TRIOBP: variants seen among roughly 807,000 people sequenced by gnomAD.
TRIOBP encodes the protein TRIO and F-actin binding protein, also known as TRIO and F-actin-binding protein.
TRIOBP carries 169 observed loss-of-function variants against 238.8 expected under a neutral mutation model. That is an observed-to-expected ratio of 0.71 (90% confidence interval 0.62 to 0.80). The LOEUF (loss-of-function observed/expected upper bound fraction) is 0.80. Among genes scored for constraint, TRIOBP ranks in the 30% least tolerant of loss-of-function variants. TRIOBP has a pLI of 0.00. For missense variants in TRIOBP, 2,838 were observed against 3,122.6 expected (o/e 0.91, Z 2.17); for synonymous variants, 1,150 against 1,274.4 (o/e 0.90, Z 2.08).
Position 37,710,512 on chromosome 22 carries a change from C to T in TRIOBP, c.200C>T (p.Ser67Leu), listed in dbSNP as rs746582442. Residue 67 changes from serine to leucine, a missense_variant, in exon 4 of 24, where the codon TCA becomes TTA. This residue lies in a region of TRIOBP where 535 missense variants were observed against 537.3 expected (regional missense o/e 1.00). Coordinates refer to ENST00000644935, the MANE Select transcript of TRIOBP (RefSeq NM_001039141.3). ...GCCCCTGAGGACCCACTCAGCGCCT[C>T]AACCTCCGGCTGCCAGTCTGTGGTG... ...PPAPEDPLSA[S>L]TSGCQSVVDP... is the part of the protein sequence containing the mutation. 6.2e-7 allele frequency: 1 copy of T among 1,612,242 alleles called. No homozygotes were observed. The highest frequency in any genetic ancestry group is 8.5e-7 in the Non-Finnish European group (1 of 1,179,806).
At chr22:37,759,845 C>T (rs1926151053) in intron 17 of TRIOBP, 6 of 1,117,078 alleles carry the variant, frequency 5.4e-6, no homozygotes, top group East Asian at 4.4e-5. Flanking sequence ...AACTAACTCT[C>T]TAGAAAAAAC....
chr22:37,726,860 T>C (rs1018758670), intron 7 of TRIOBP, among the ~76,000 whole-genome samples: 1 of 152,178 alleles, frequency 6.6e-6, no homozygotes, highest in Non-Finnish European at 1.5e-5. Context: ...GAGGGGAACA[T>C]GAGCACATTC....
intron 21 of TRIOBP, 63 bp from the exon 22 acceptor site, chr22:37,771,587 G>A: frequency 6.8e-7 from 1 of 1,466,668 alleles, no homozygotes; most frequent in Non-Finnish European, 9.5e-7. Context: ...GGGCTGCAGG[G>A]CACTATGGGC....
intron 11 of TRIOBP, chr22:37,746,179 C>G: frequency 9.6e-7 from 1 of 1,045,462 alleles, no homozygotes; most frequent in Non-Finnish European, 1.1e-6. Context: ...GCTTCCCCGC[C>G]ACCCATTGGC....
rs539096864 is a variant in TRIOBP at position 37,724,448 on chromosome 22, G to T, written c.1892G>T (p.Arg631Leu). The stretch of plus-strand genomic sequence containing the variant: ...AACCCCAGAACATCCTGTGCCCAGC[G>T]GGACAATCCCAGAGCCTCCTCTCCC... ...RDNPRTSCAQRDNPRASSPNR... is the reference protein window; with the variant it reads ...RDNPRTSCAQLDNPRASSPNR... The change falls in exon 7 of 24, where the codon CGG becomes CTG. Residue 631 changes from arginine (R) to leucine (L), a missense_variant. Coordinates refer to ENST00000644935, the MANE Select transcript of TRIOBP (RefSeq NM_001039141.3). The T allele has an allele frequency of 4.9e-5, 79 of 1,610,286 alleles. No homozygotes were observed. The highest frequency in any genetic ancestry group is 6.1e-5 in the Non-Finnish European group (72 of 1,179,074).
At position 37,774,023 on chromosome 22, in the gene TRIOBP, C is replaced by T. The variant is rs1271857860; in HGVS notation, c.*243C>T. 6.7e-6 allele frequency: 1 copy of T among 148,890 alleles called. No individual in the cohort carries two copies. Among genetic ancestry groups the T allele is most frequent in the African/African-American group, 2.5e-5 (1 of 40,356 alleles). 9.2% of individuals were successfully genotyped at this position (148,890 alleles called of 1,614,324 possible). The stretch of plus-strand genomic sequence containing the variant: ...ACACACACTGCATATCTGAGCGCGC[C>T]CCTCGCACTGGGTCTCACCTTGCAC... On this transcript the variant is annotated 3_prime_UTR_variant, in exon 24 of 24. Coordinates refer to ENST00000644935, the MANE Select transcript of TRIOBP (RefSeq NM_001039141.3).
In TRIOBP at chr22:37,757,809, C is replaced by G. The variant is rs1179250175; in HGVS notation, c.5884C>G (p.Pro1962Ala). The G allele has an allele frequency of 6.5e-7, 1 of 1,547,672 alleles. No individual in the cohort carries two copies. Among genetic ancestry groups the G allele is most frequent in the Non-Finnish European group, 8.7e-7 (1 of 1,145,162 alleles). ...GGCTTCCCCGCAGCGGGCCCGCACC[C>G]CAGCCCGCACTCCTGACCGCCTGGC... ...TQASPQRARTPARTPDRLAKQ... is the reference protein window; with the variant it reads ...TQASPQRARTAARTPDRLAKQ... Residue 1962 changes from proline (P) to alanine (A), a missense_variant, in exon 16 of 24, where the codon CCA becomes GCA. This residue lies in a region of TRIOBP where 2,096 missense variants were observed against 2,137.4 expected (regional missense o/e 0.98). Coordinates refer to ENST00000644935, the MANE Select transcript of TRIOBP (RefSeq NM_001039141.3).
rs1169058873 is a variant in TRIOBP at position 37,724,721 on chromosome 22, C to A, written c.2165C>A (p.Thr722Lys). 6.2e-7 allele frequency: 1 copy of A among 1,612,474 alleles called. No homozygotes were observed. ...ACCACCCAACAAGAGAACCCCAGAA[C>A]ATCCTGTGCCCGACGGGACAATCCC... ...NRTTQQENPR[T>K]SCARRDNPRA... Residue 722 changes from threonine (T) to lysine (K), a missense_variant, in exon 7 of 24, where the codon ACA (threonine) becomes AAA (lysine). This residue lies in a region of TRIOBP where 167 missense variants were observed against 200.2 expected (regional missense o/e 0.83). Coordinates refer to ENST00000644935, the MANE Select transcript of TRIOBP (RefSeq NM_001039141.3).
Position 37,773,943 on chromosome 22 carries a change from CACAG to C in TRIOBP, c.*167_*170del, listed in dbSNP as rs1204834915. On this transcript the variant is annotated 3_prime_UTR_variant, in exon 24 of 24. Transcript: ENST00000644935. ...ACACACACACACACACACACAGACA[CACAG>C]ACACATACGCACACACGTGCACACA... is the stretch of plus-strand genomic sequence containing the variant. 2.8e-5 allele frequency: 4 copies of C among 144,430 alleles called. No individual in the cohort carries two copies. Among genetic ancestry groups the C allele is most frequent in the Admixed American group, 6.8e-5 (1 of 14,616 alleles). 8.9% of individuals were successfully genotyped at this position (144,430 alleles called of 1,614,324 possible).
rs769228804 is a variant in TRIOBP, at chr22:37,776,045, C to T, written c.*2265C>T. 1 of 152,406 alleles carries T rather than the reference C, an allele frequency of 6.6e-6. No individual in the cohort carries two copies. The highest frequency in any genetic ancestry group is 2.4e-5 in the African/African-American group (1 of 41,456). 9.4% of individuals were successfully genotyped at this position (152,406 alleles called of 1,614,324 possible). A position where few individuals can be genotyped will look rare whatever the true frequency, so the allele number is the denominator to read the frequency against. On this transcript the variant is annotated 3_prime_UTR_variant, in exon 24 of 24. Coordinates refer to ENST00000644935, the MANE Select transcript of TRIOBP (RefSeq NM_001039141.3). ...TCACCATCCCACCGTCCCCCCAAGACAGCTCTCCATCCCATCCTCTGCCTC... is the reference window on the plus strand; with the variant it reads ...TCACCATCCCACCGTCCCCCCAAGATAGCTCTCCATCCCATCCTCTGCCTC...
At chr22:37,772,431 AGGGAG>A (rs1926829693) in intron 22 of TRIOBP, among the ~76,000 whole-genome samples, 165 bp from the exon 23 acceptor site, 1 of 152,160 alleles carries the variant, frequency 6.6e-6, no homozygotes, top group African/African-American at 2.4e-5. Flanking sequence ...GGGTGGTACC[AGGGAG>A]GTGGGAGGGG....
At chr22:37,721,714 C>G (rs936685101) in intron 6 of TRIOBP, among the ~76,000 whole-genome samples, 2 of 152,130 alleles carry the variant, frequency 1.3e-5, no homozygotes, top group Non-Finnish European at 2.9e-5. Flanking sequence ...CTCCTGAGCT[C>G]GAGTGATCCT....
At chr22:37,726,585 GAA>G in intron 7 of TRIOBP, 82 bp downstream of exon 7, 1 of 1,339,850 alleles carries the variant, frequency 7.5e-7, no homozygotes, top group South Asian at 1.7e-5. Flanking sequence ...GGTGCCAAAA[GAA>G]AGTGTTCAAA....
At chr22:37,772,890 A>C in intron 23 of TRIOBP, 126 bp downstream of exon 23, 3 of 1,219,290 alleles carry the variant, frequency 2.5e-6, no homozygotes, top group Non-Finnish European at 3.4e-6. Context: ...TTCTGTAAAA[A>C]GGACAATGAA....
chr22:37,766,958 CAA>C (rs1216149396), intron 18 of TRIOBP, among the ~76,000 whole-genome samples: 7 of 101,498 alleles, frequency 6.9e-5, no homozygotes, highest in Admixed American at 1.1e-4. Context: ...AAGACTCCAT[CAA>C]AAAAAAAAAA....
chr22:37,724,550 G>A lies in TRIOBP; in HGVS notation c.1994G>A (p.Arg665Lys). The change falls in exon 7 of 24, where the codon AGA (arginine) becomes AAA (lysine). Residue 665 changes from arginine to lysine, a missense_variant. This residue lies in a region of TRIOBP where 167 missense variants were observed against 200.2 expected (regional missense o/e 0.83). Transcript: ENST00000644935. The stretch of plus-strand genomic sequence containing the variant: ...GATCCCAGAGCCTCCTCTCCTAACA[G>A]AACCATCCAACAAGAGAACCCCAGA... ...RDDPRASSPN[R>K]TIQQENPRTS... The A allele has an allele frequency of 1.3e-6, 2 of 1,591,898 alleles. No individual in the cohort carries two copies. The highest frequency in any genetic ancestry group is 1.1e-5 in the South Asian group (1 of 88,732).
chr22:37,736,079 T>G (rs1924654604), intron 9 of TRIOBP, among the ~76,000 whole-genome samples: 1 of 152,190 alleles, frequency 6.6e-6, no homozygotes, highest in African/African-American at 2.4e-5. Context: ...ACAGGCTGCT[T>G]AAATGAGGGT....
At chr22:37,750,759 G>A (rs1324392576) in intron 11 of TRIOBP, 2 of 470,744 alleles carry the variant, frequency 4.2e-6, no homozygotes, top group South Asian at 3.1e-5. Flanking sequence ...CCTGAGAAGG[G>A]GCTCCGTGGG....
rs1474622225 is a variant in TRIOBP at position 37,758,047 on chromosome 22, A to G, written c.6122A>G (p.Asn2041Ser). The G allele has an allele frequency of 6.2e-7, 1 of 1,611,926 alleles. No homozygotes were observed. The highest frequency in any genetic ancestry group is 1.3e-5 in the African/African-American group (1 of 74,912). ...CTGGAGAAGCTGCCCCTGCGGGAGA[A>G]TAAGCGGGTGCCCCTCACTGCCCTG... ...QELEKLPLRE[N>S]KRVPLTALLN... The change falls in exon 16 of 24, where the codon AAT (asparagine) becomes AGT (serine). Residue 2041 changes from asparagine (N) to serine (S), a missense_variant. By Grantham distance (46) the Asn-to-Ser change is conservative (BLOSUM62 1). Around this residue, in one of 5 missense-constraint regions of TRIOBP, gnomAD observed 2,096 missense variants for 2,137.4 expected, o/e 0.98. Transcript: ENST00000644935.
Sources: gnomAD v4.1 joint callset for allele counts (sites outside exome capture counted in the v4.1 genomes callset) on GRCh38, gnomAD v4.1.1 for gene constraint, gnomAD v4.1.1 regional missense constraint, MANE v1.5 for transcripts, NCBI Gene and HGNC (gene_info 2026-07-23, HGNC 2026-07-21) for gene names.